The following CUX1 variants were observed in gnomAD, a reference collection of about 807,000 sequenced individuals.
The protein encoded by CUX1 is cut like homeobox 1.
In CUX1, 31 loss-of-function variants were observed where a neutral mutation model predicts 158.8. That is an observed-to-expected ratio of 0.20 (90% CI 0.15 to 0.26). The LOEUF (loss-of-function observed/expected upper bound fraction) is 0.26. Ranked by LOEUF, CUX1 falls within the 10% of genes least tolerant of loss-of-function variation. The pLI, the probability that CUX1 is intolerant of heterozygous loss-of-function variation, is 1.00. For synonymous variants in CUX1, 879 were observed against 862.1 expected (o/e 1.02, Z -0.34); for missense variants, 1,589 against 2,014.6 (o/e 0.79, Z 4.04).
intron 6 of CUX1, among the ~76,000 whole-genome samples, chr7:102,106,531 A>G (rs953925349): frequency 1.3e-5 from 2 of 152,194 alleles, no homozygotes; most frequent in East Asian, 3.8e-4. Flanking sequence ...CCAGTGTGCC[A>G]CATCAGTTTA....
chr7:102,046,568 G>GTTTTTTTTTTTTTTTTTT (rs1461868011), intron 3 of CUX1, among the ~76,000 whole-genome samples: 1 of 89,504 alleles, frequency 1.1e-5, no homozygotes. Context: ...GTTTGGTTTG[G>GTTTTTTTTTTTTTTTTTT]ATTTTTTTTT....
At chr7:102,070,512 AT>A (rs1324166410) in intron 4 of CUX1, 95 bp downstream of exon 4, 2 of 890,922 alleles carry the variant, frequency 2.2e-6, no homozygotes, top group Non-Finnish European at 3.5e-6. Context: ...CCTAAGGAAA[AT>A]AAATACACCA....
intron 1 of CUX1, among the ~76,000 whole-genome samples, chr7:101,848,051 CAAAAAAAAAAAA>C (rs57428019): frequency 3.1e-5 from 2 of 65,378 alleles, no homozygotes; most frequent in Non-Finnish European, 5.4e-5. Flanking sequence ...GAGCAAGACT[CAAAAAAAAAAAA>C]AAAAAAAAAA....
chr7:102,080,563 C>T (rs1470467629), intron 4 of CUX1, among the ~76,000 whole-genome samples: 3 of 152,172 alleles, frequency 2.0e-5, no homozygotes, highest in Admixed American at 6.5e-5. Flanking sequence ...GCCCGCAGAG[C>T]GCACTGTGCA....
chr7:102,249,215 G>A lies in CUX1; in HGVS notation c.*173G>A, dbSNP rs1353298079. 62 of 1,104,838 alleles carry A rather than the reference G, an allele frequency of 5.6e-5. No individual in the cohort carries two copies. Among genetic ancestry groups the A allele is most frequent in the Non-Finnish European group, 6.6e-5 (60 of 906,032 alleles). 68.4% of individuals were successfully genotyped at this position (1,104,838 alleles called of 1,614,324 possible). The stretch of plus-strand genomic sequence containing the variant: ...CCCTCCACGGTCCGCGGCCTGCACC[G>A]ACCCGAGGCCCAGATCCAAGGCCGC... On this transcript the variant is annotated 3_prime_UTR_variant, in exon 24 of 24. Coordinates refer to ENST00000292535, the MANE Select transcript of CUX1 (RefSeq NM_181552.4).
chr7:102,026,187 A>C (rs759891278), intron 2 of CUX1, among the ~76,000 whole-genome samples: 13 of 152,100 alleles, frequency 8.5e-5, no homozygotes, highest in Non-Finnish European at 1.3e-4. Flanking sequence ...TCAAAAAAAC[A>C]AAAGCTTGCT....
chr7:102,029,017 G>C (rs946943331), intron 3 of CUX1, among the ~76,000 whole-genome samples: 1 of 128,980 alleles, frequency 7.8e-6, no homozygotes, highest in East Asian at 2.6e-4. Flanking sequence ...TTTGGCGACA[G>C]AGTCTTGCCC....
intron 8 of CUX1, among the ~76,000 whole-genome samples, chr7:102,118,529 C>A (rs1182374995): frequency 1.3e-5 from 2 of 151,704 alleles, no homozygotes; most frequent in Non-Finnish European, 2.9e-5. Flanking sequence ...AGAGCAAGAC[C>A]CTGTCTAAAA....
intron 8 of CUX1, among the ~76,000 whole-genome samples, chr7:102,131,790 A>G (rs1833271577): frequency 6.6e-6 from 1 of 151,254 alleles, no homozygotes; most frequent in South Asian, 2.1e-4. Flanking sequence ...CTCCTGCCTC[A>G]GCCTCCTGAG....
At chr7:102,244,008 C>T (rs1268419472) in intron 23 of CUX1, among the ~76,000 whole-genome samples, 1 of 151,918 alleles carries the variant, frequency 6.6e-6, no homozygotes, top group African/African-American at 2.4e-5. Flanking sequence ...GCCTGGGCAA[C>T]AGAGCAAAAC....
intron 3 of CUX1, among the ~76,000 whole-genome samples, chr7:102,030,704 G>GTTTTGTTTTTTTTTTTTTTTT (rs1820687738): frequency 1.0e-4 from 2 of 19,126 alleles, no homozygotes; most frequent in African/African-American, 3.6e-4. Context: ...TTTTTTTTTT[G>GTTTTGTTTTTTTTTTTTTTTT]AGACAGGGTC....
chr7:101,910,332 A>C (rs1803275981), intron 1 of CUX1, among the ~76,000 whole-genome samples: 1 of 152,030 alleles, frequency 6.6e-6, no homozygotes, highest in Non-Finnish European at 1.5e-5. Context: ...TTTTTTGTAG[A>C]GATGGGGTTT....
chr7:102,025,543 C>T (rs1469469047), intron 2 of CUX1, among the ~76,000 whole-genome samples: 1 of 151,926 alleles, frequency 6.6e-6, no homozygotes, highest in East Asian at 1.9e-4. Flanking sequence ...TGAGAGGATC[C>T]CTTGAACCCG....
At chr7:102,275,419 C>A (rs1287593890) in intron 17 of CUX1, 2 of 1,339,596 alleles carry the variant, frequency 1.5e-6, no homozygotes, top group Non-Finnish European at 2.1e-6. Flanking sequence ...TTGGGGAACA[C>A]ACAGGCTTTC....
chr7:102,173,842 G>A lies in CUX1; in HGVS notation c.828+3292G>A, dbSNP rs546532342. 3.3e-3 allele frequency among the ~76,000 whole-genome samples: 508 copies of A among 152,282 alleles called. 4 individuals are homozygous for A. The highest frequency in any genetic ancestry group is 0.024 in the Middle Eastern group (7 of 294). ...GGTTCAGTCTCCCCAGAGCAGCCCC[G>A]TGGGGCTCCCCGCGGGCGTGTATTC... is the stretch of plus-strand genomic sequence containing the variant. On this transcript the variant is annotated intron_variant, in intron 10 of 23. Transcript: ENST00000292535.
chr7:101,874,236 C>T (rs1033139201), intron 1 of CUX1, among the ~76,000 whole-genome samples: 34 of 152,124 alleles, frequency 2.2e-4, no homozygotes, highest in South Asian at 2.1e-4. Flanking sequence ...AGAGGATCTC[C>T]GTGCAGGCCG....
chr7:101,946,857 G>A (rs1462011263), intron 2 of CUX1, among the ~76,000 whole-genome samples: 1 of 152,132 alleles, frequency 6.6e-6, no homozygotes, highest in African/African-American at 2.4e-5. Flanking sequence ...TGCTGCTGGG[G>A]AGGGCTCAGG....
rs185876453 is a variant in CUX1 at position 102,032,341 on chromosome 7, C to T, written c.189+4196C>T. 3.5e-4 allele frequency among the ~76,000 whole-genome samples: 54 copies of T among 152,136 alleles called. No individual in the cohort carries two copies. In the East Asian group the frequency reaches 9.4e-3, roughly 27 times the overall value. ...GTTTGGGAGGACAAGGCAGGAGGAT[C>T]GCTTGAGCCCAGGAGATCGAGACCA... On this transcript the variant is annotated intron_variant, in intron 3 of 23. Coordinates refer to ENST00000292535, the MANE Select transcript of CUX1 (RefSeq NM_181552.4).
chr7:101,975,229 C>T (rs1282873221), intron 2 of CUX1, among the ~76,000 whole-genome samples: 2 of 150,000 alleles, frequency 1.3e-5, no homozygotes, highest in African/African-American at 2.5e-5. Context: ...CCAGCCTGGG[C>T]AACAGAGCAA....
Sources: gnomAD v4.1 joint callset for allele counts (sites outside exome capture counted in the v4.1 genomes callset) on GRCh38, gnomAD v4.1.1 for gene constraint, MANE v1.5 for transcripts, NCBI Gene and HGNC (gene_info 2026-07-23, HGNC 2026-07-21) for gene names.